TMEM94: variants seen among roughly 807,000 people sequenced by gnomAD.
TMEM94 encodes the protein transmembrane protein 94, also known as ER Mg2+ ATPase.
Under a neutral mutation model 158.6 loss-of-function variants are expected in TMEM94, and 81 were observed. The observed-to-expected ratio is 0.51, with a 90% CI of 0.43 to 0.61. TMEM94 has a LOEUF of 0.61. Among genes scored for constraint, TMEM94 ranks in the 20% least tolerant of loss-of-function variants. The pLI is 0.00. For missense variants in TMEM94, 1,435 were observed against 1,762.0 expected (o/e 0.81, Z 3.32); for synonymous variants, 751 against 730.7 (o/e 1.03, Z -0.45).
Position 75,491,251 on chromosome 17 carries a change from C to T in TMEM94, c.1234-52C>T. ...ACCTGCCGCTTGAGTGGCCCCTGGG[C>T]AGGATAGGCTAATGCCAGGCCCCTT... On this transcript the variant is annotated intron_variant, in intron 12 of 31. Coordinates refer to ENST00000314256, the MANE Select transcript of TMEM94 (RefSeq NM_014738.6). The surrounding 1 kb of genome is among the most constrained non-coding windows in gnomAD (Gnocchi z 5.1). 5 of 1,548,682 alleles carry T rather than the reference C, an allele frequency of 3.2e-6. No homozygotes were observed. The highest frequency in any genetic ancestry group is 4.4e-6 in the Non-Finnish European group (5 of 1,124,306).
intron 1 of TMEM94, among the ~76,000 whole-genome samples, chr17:75,471,100 G>A (rs1014090356): frequency 6.6e-6 from 1 of 151,588 alleles, no homozygotes; most frequent in African/African-American, 2.4e-5. Flanking sequence ...AGCCGGGCGT[G>A]GTGGCAAGTG....
At chr17:75,496,155 G>A (rs1425085154) in intron 23 of TMEM94, 81 bp downstream of exon 23, 4 of 1,512,192 alleles carry the variant, frequency 2.6e-6, no homozygotes, top group Non-Finnish European at 3.6e-6. Context: ...TGGGGCTGGG[G>A]GTGTGTACTA....
At chr17:75,463,330 C>CT (rs1410078285) in intron 1 of TMEM94, among the ~76,000 whole-genome samples, 1 of 151,200 alleles carries the variant, frequency 6.6e-6, no homozygotes, top group Non-Finnish European at 1.5e-5. Context: ...TTATACCTTT[C>CT]TAGCCCTGCT....
At chr17:75,475,310 A>T (rs2146291961) in intron 2 of TMEM94, among the ~76,000 whole-genome samples, 1 of 152,296 alleles carries the variant, frequency 6.6e-6, no homozygotes, top group East Asian at 1.9e-4. Context: ...AGTTGCACTC[A>T]TGAAAGGGAA....
In TMEM94 at chr17:75,492,896, C is replaced by T. The variant is rs553417837; in HGVS notation, c.1913-33C>T. 5.6e-6 allele frequency: 9 copies of T among 1,597,308 alleles called. No homozygotes were observed. The East Asian group carries it at 1.3e-4, about 24-fold the overall frequency. ...TGGACCTGGCAGGGTATTGCCAGGG[C>T]ATGGCCCTAAGTTCCTGTTCCCCGC... On this transcript the variant is annotated intron_variant, in intron 15 of 31. Transcript: ENST00000314256. This position sits in a 1 kb window ranked among gnomAD's most constrained non-coding sequence, Gnocchi z 4.4.
chr17:75,462,001 G>GGT (rs1555620274), intron 1 of TMEM94, among the ~76,000 whole-genome samples: 2 of 85,664 alleles, frequency 2.3e-5, no homozygotes, highest in Non-Finnish European at 2.1e-5. Context: ...TTTTTGTTTT[G>GGT]TTTTGTTTTG....
intron 2 of TMEM94, among the ~76,000 whole-genome samples, chr17:75,480,091 A>G (rs1243371404): frequency 6.8e-6 from 1 of 148,148 alleles, no homozygotes; most frequent in Admixed American, 6.6e-5. Flanking sequence ...CCCGGTCTCA[A>G]AGGAAAAAAA....
At chr17:75,488,955 GAA>G in intron 7 of TMEM94, 45 bp downstream of exon 7, 2 of 1,521,644 alleles carry the variant, frequency 1.3e-6, no homozygotes, top group Non-Finnish European at 1.8e-6. Context: ...TGTCTTCTGT[GAA>G]GAGGGGAATG....
chr17:75,485,785 T>G lies in TMEM94; in HGVS notation c.145-86T>G. 7 of 1,476,732 alleles carry G rather than the reference T, an allele frequency of 4.7e-6. No homozygotes were observed. Among genetic ancestry groups the G allele is most frequent in the Non-Finnish European group, 6.4e-6 (7 of 1,098,184 alleles). The allele number at this position is 1,476,732 out of a possible 1,614,324, so 91.5% of individuals were successfully genotyped here. ...CAAAGAGAGGGGACCAAGGCGGCCA[T>G]GGGGGCTGGGAAGGGTGCCGGGGGA... is the stretch of plus-strand genomic sequence containing the variant. On this transcript the variant is annotated intron_variant, in intron 3 of 31. Transcript: ENST00000314256. This position sits in a 1 kb window ranked among gnomAD's most constrained non-coding sequence, Gnocchi z 5.5.
chr17:75,458,596 C>T (rs1299209363), intron 1 of TMEM94, among the ~76,000 whole-genome samples: 1 of 151,438 alleles, frequency 6.6e-6, no homozygotes, highest in African/African-American at 2.4e-5. Context: ...GAGGTGGATG[C>T]CAGAGGATCG....
Position 75,494,612 on chromosome 17 carries a change from G to T in TMEM94, c.2408-15G>T, listed in dbSNP as rs1432342950. The T allele has an allele frequency of 6.2e-7, 1 of 1,612,548 alleles. No individual in the cohort carries two copies. On this transcript the variant is annotated splice_polypyrimidine_tract_variant and intron_variant, in intron 18 of 31. Transcript: ENST00000314256. Reference sequence around the variant, plus strand: ...GTGTCCTGATCGGGCTGTGTCCTGTGTGTCCTGCCTGAAGAAGGGATCGGG... The same window carrying T: ...GTGTCCTGATCGGGCTGTGTCCTGTTTGTCCTGCCTGAAGAAGGGATCGGG...
At position 75,495,544 on chromosome 17, in the gene TMEM94, G is replaced by A. The variant is rs772631230; in HGVS notation, c.2845G>A (p.Ala949Thr). Residue 949 changes from alanine (A) to threonine (T), a missense_variant and splice_region_variant, in exon 22 of 32, where the codon GCC becomes ACC. This residue lies in a region of TMEM94 where 1,051 missense variants were observed against 1,254.4 expected (regional missense o/e 0.84). Coordinates refer to ENST00000314256, the MANE Select transcript of TMEM94 (RefSeq NM_014738.6). The surrounding 1 kb of genome is among the most constrained non-coding windows in gnomAD (Gnocchi z 5.6). Reference protein sequence around the residue: ...IPSFLEDSNRAKLPRGIHQVR... With the variant: ...IPSFLEDSNRTKLPRGIHQVR... Reference sequence around the variant, plus strand: ...CCGCTGGCATCTCTGCTTTCTCCAGGCCAAGCTGCCCCGGGGTATCCACCA... The same window carrying A: ...CCGCTGGCATCTCTGCTTTCTCCAGACCAAGCTGCCCCGGGGTATCCACCA... The A allele has an allele frequency of 6.2e-7, 1 of 1,613,462 alleles. No individual in the cohort carries two copies. Among genetic ancestry groups the A allele is most frequent in the Non-Finnish European group, 8.5e-7 (1 of 1,179,962 alleles).
At position 75,492,110 on chromosome 17, in the gene TMEM94, C is replaced by T. The variant is rs1226897890; in HGVS notation, c.1596+210C>T. 1.2e-5 allele frequency: 9 copies of T among 780,856 alleles called. No individual in the cohort carries two copies. The highest frequency in any genetic ancestry group is 2.7e-5 in the East Asian group (1 of 37,152). 48.4% of individuals were successfully genotyped at this position (780,856 alleles called of 1,614,324 possible). A position where few individuals can be genotyped will look rare whatever the true frequency, so the allele number is the denominator to read the frequency against. On this transcript the variant is annotated intron_variant, in intron 14 of 31. Coordinates refer to ENST00000314256, the MANE Select transcript of TMEM94 (RefSeq NM_014738.6). The surrounding 1 kb of genome is among the most constrained non-coding windows in gnomAD (Gnocchi z 4.4). The stretch of plus-strand genomic sequence containing the variant: ...CCCCCTACCCTTCCATTCTTGTAAT[C>T]GCAATCACTGGTGTCCCTACTGGAA...
rs1409305468 is a variant in TMEM94, at chr17:75,489,348, T to C, written c.847T>C (p.Tyr283His). Residue 283 changes from tyrosine (Y) to histidine (H), a missense_variant, in exon 8 of 32, where the codon TAT (tyrosine) becomes CAT (histidine). Physicochemically the swap from Tyr to His is moderately conservative, Grantham distance 83 (BLOSUM62 2). Coordinates refer to ENST00000314256, the MANE Select transcript of TMEM94 (RefSeq NM_014738.6). This position sits in a 1 kb window ranked among gnomAD's most constrained non-coding sequence, Gnocchi z 5.0. ...CACAGTGCAGTCGGTGATGCTACAC[T>C]ATGCTGTGCCCGTGGTCCTGGTGCG... ...RFTVQSVMLH[Y>H]AVPVVLAGFL... 2.5e-6 allele frequency: 4 copies of C among 1,614,160 alleles called. No individual in the cohort carries two copies. In the Admixed American group the frequency reaches 6.7e-5, roughly 27 times the overall value.
At chr17:75,476,932 G>A (rs1319505009) in intron 2 of TMEM94, among the ~76,000 whole-genome samples, 1 of 152,210 alleles carries the variant, frequency 6.6e-6, no homozygotes, top group Admixed American at 6.5e-5. Context: ...AGGCCAGTGT[G>A]CCTGGGTAGC....
Position 75,490,750 on chromosome 17 carries a change from T to C in TMEM94, c.1120T>C (p.Ser374Pro), listed in dbSNP as rs1384496203. The stretch of plus-strand genomic sequence containing the variant: ...TCTCAGCAGCTATACGGAGGCTGTC[T>C]CCTCTCAGGTACAACACTGACCCGG... ...DTLSSYTEAV[S>P]SQEMLRCIWG... The change falls in exon 11 of 32, where the codon TCC becomes CCC. Residue 374 changes from serine (S) to proline (P), a missense_variant. Ser to Pro is a moderately conservative substitution (Grantham distance 74, BLOSUM62 -1). Transcript: ENST00000314256. 1.2e-6 allele frequency: 2 copies of C among 1,613,876 alleles called. No homozygotes were observed. The highest frequency in any genetic ancestry group is 2.2e-5 in the East Asian group (1 of 44,878).
intron 2 of TMEM94, chr17:75,476,381 T>G (rs2050691877): frequency 1.5e-6 from 1 of 655,948 alleles, no homozygotes. Context: ...AACTTTCTCT[T>G]CTCAATGCTC....
chr17:75,483,584 C>T (rs2051347513), intron 2 of TMEM94, among the ~76,000 whole-genome samples: 1 of 151,924 alleles, frequency 6.6e-6, no homozygotes, highest in Admixed American at 6.6e-5. Context: ...CTCAGCCACC[C>T]AAGCAGCTGG....
Position 75,486,007 on chromosome 17 carries a change from C to G in TMEM94, c.272+9C>G, listed in dbSNP as rs756675996. The stretch of plus-strand genomic sequence containing the variant: ...GGACAGCCAGCCGGGAGGTGTGCGC[C>G]CAGGGGCTGCTCCCCAACCTCTCCA... On this transcript the variant is annotated intron_variant, in intron 4 of 31. Coordinates refer to ENST00000314256, the MANE Select transcript of TMEM94 (RefSeq NM_014738.6). 1.3e-6 allele frequency: 2 copies of G among 1,547,416 alleles called. No individual in the cohort carries two copies. Among genetic ancestry groups the G allele is most frequent in the Admixed American group, 1.8e-5 (1 of 55,056 alleles).
Sources: gnomAD v4.1 joint callset for allele counts (sites outside exome capture counted in the v4.1 genomes callset) on GRCh38, gnomAD v4.1.1 for gene constraint, gnomAD v4.1.1 regional missense constraint, Gnocchi (gnomAD v3.1) non-coding constraint, MANE v1.5 for transcripts, NCBI Gene and HGNC (gene_info 2026-07-23, HGNC 2026-07-21) for gene names.